The following ETV7 variants were observed in gnomAD, a reference collection of about 807,000 sequenced individuals.
ETV7 encodes the protein transcription factor ETV7.
A neutral mutation model predicts 39.1 loss-of-function variants in ETV7; 43 were observed. That is an observed-to-expected ratio of 1.10 (90% CI 0.86 to 1.42). The LOEUF (loss-of-function observed/expected upper bound fraction) is 1.42. Ranked by LOEUF, ETV7 falls within the 40% of genes most tolerant of loss-of-function variation. The pLI, the probability that ETV7 is intolerant of heterozygous loss-of-function variation, is 0.00. For synonymous variants in ETV7, 196 were observed against 176.6 expected (o/e 1.11, Z -0.87); for missense variants, 432 against 442.3 (o/e 0.98, Z 0.21).
intron 2 of ETV7, 98 bp from the exon 3 acceptor site, chr6:36,376,133 GCCCCCAAC>G: frequency 8.7e-7 from 1 of 1,143,108 alleles, no homozygotes; most frequent in East Asian, 2.6e-5. Context: ...CCCTGTCCTG[GCCCCCAAC>G]CCCCATCATC....
intron 7 of ETV7, among the ~76,000 whole-genome samples, chr6:36,359,957 G>A (rs757266844): frequency 3.8e-4 from 58 of 151,788 alleles, no homozygotes; most frequent in African/African-American, 1.3e-3. Context: ...AGTGAGTGGC[G>A]CGATCTCGGC....
downstream of ETV7, among the ~76,000 whole-genome samples, chr6:36,363,492 G>T (rs898500442): frequency 5.3e-5 from 8 of 151,800 alleles, no homozygotes; most frequent in African/African-American, 1.5e-4. Context: ...CGGTGGGGTC[G>T]TGGGCTCGCT....
At position 36,366,474 on chromosome 6, in the gene ETV7, C is replaced by G. The variant is rs1039068000; in HGVS notation, c.*171G>C. The stretch of plus-strand genomic sequence containing the variant: ...CCTGCCCAAAAGATGACACTCCTGC[C>G]CCCAGTGTCCTGGATGGGAGGCCTC... On this transcript the variant is annotated 3_prime_UTR_variant, in exon 8 of 8. Transcript: ENST00000340181. 6.9e-5 allele frequency: 103 copies of G among 1,482,418 alleles called. No homozygotes were observed. Among genetic ancestry groups the G allele is most frequent in the Admixed American group, 3.0e-4 (12 of 40,488 alleles). The allele number at this position is 1,482,418 out of a possible 1,614,324, so 91.8% of individuals were successfully genotyped here.
chr6:36,355,086 G>T (rs1772303272), intron 7 of ETV7, among the ~76,000 whole-genome samples: 1 of 152,128 alleles, frequency 6.6e-6, no homozygotes, highest in African/African-American at 2.4e-5. Flanking sequence ...AACAGAGATA[G>T]TTTTACTTCT....
intron 2 of ETV7, among the ~76,000 whole-genome samples, chr6:36,379,875 C>CAA (rs75859733): frequency 8.2e-5 from 7 of 85,840 alleles, no homozygotes; most frequent in Non-Finnish European, 1.2e-4. Flanking sequence ...GACGCCATCT[C>CAA]AAAAAAAAAA....
intron 7 of ETV7, among the ~76,000 whole-genome samples, chr6:36,355,395 C>CT (rs1184198286): frequency 0.04 from 5,810 of 143,602 alleles, 201 homozygotes; most frequent in African/African-American, 0.089. Context: ...TGTTCATAGA[C>CT]TTTTTTTTTT....
chr6:36,357,355 C>T (rs965467919), intron 7 of ETV7, among the ~76,000 whole-genome samples: 8 of 152,106 alleles, frequency 5.3e-5, no homozygotes, highest in South Asian at 2.1e-4. Flanking sequence ...TGGCAATCTC[C>T]GACCAGAGAG....
At chr6:36,363,019 G>A (rs57078243), downstream of ETV7, among the ~76,000 whole-genome samples, 3,680 of 152,312 alleles carry the variant, frequency 0.024, 151 homozygotes, top group African/African-American at 0.08. Flanking sequence ...GTGATCTTGC[G>A]CAAGTCACTT....
chr6:36,373,582 G>T lies in ETV7; in HGVS notation c.308-4C>A. ...AGCAGCTCATACAGGACGTCACCTG[G>T]AGGTGGGTGGGAGGGAGGGCAGGCT... On this transcript the variant is annotated splice_region_variant and splice_polypyrimidine_tract_variant and intron_variant, in intron 3 of 7. Transcript: ENST00000340181. 6.7e-7 allele frequency: 1 copy of T among 1,484,978 alleles called. No homozygotes were observed. 92.0% of individuals were successfully genotyped at this position (1,484,978 alleles called of 1,614,324 possible). A position where few individuals can be genotyped will look rare whatever the true frequency, so the allele number is the denominator to read the frequency against.
chr6:36,384,304 T>C (rs543994015), intron 2 of ETV7, among the ~76,000 whole-genome samples: 3 of 152,268 alleles, frequency 2.0e-5, no homozygotes, highest in Non-Finnish European at 4.4e-5. Flanking sequence ...AATCAGAGAA[T>C]AGGCTGCCTC....
In ETV7 at chr6:36,387,614, G is replaced by A; in HGVS notation, c.-73C>T. On this transcript the variant is annotated 5_prime_UTR_variant, in exon 1 of 8. Coordinates refer to ENST00000340181, the MANE Select transcript of ETV7 (RefSeq NM_016135.4). ...CCTGGCTGTGGCTGCTGGGGCCCTA[G>A]GCCCGCGCCCCGCAGTCCTCCTCCG... 1 of 1,574,908 alleles carries A rather than the reference G, an allele frequency of 6.3e-7. No individual in the cohort carries two copies. The highest frequency in any genetic ancestry group is 1.3e-5 in the African/African-American group (1 of 74,168).
At chr6:36,380,695 GC>G (rs1773608337) in intron 2 of ETV7, among the ~76,000 whole-genome samples, 4 of 152,212 alleles carry the variant, frequency 2.6e-5, no homozygotes, top group Admixed American at 2.6e-4. Context: ...TAGAATGTAA[GC>G]TCCAGGAGGC....
chr6:36,378,239 G>GAAAA (rs1461350471), intron 2 of ETV7, among the ~76,000 whole-genome samples: 1 of 57,602 alleles, frequency 1.7e-5, no homozygotes. Context: ...AATCTAATAT[G>GAAAA]GAAAAAAAAA....
chr6:36,359,307 C>A (rs1485855322), intron 7 of ETV7, among the ~76,000 whole-genome samples: 3 of 151,964 alleles, frequency 2.0e-5, no homozygotes, highest in Non-Finnish European at 4.4e-5. Flanking sequence ...AAAAATTAGC[C>A]AGGTGTGGTG....
chr6:36,359,928 C>A (rs74597314), intron 7 of ETV7, among the ~76,000 whole-genome samples: 2,110 of 151,914 alleles, frequency 0.014, 41 homozygotes, highest in South Asian at 0.052. Context: ...GACCGAGTCT[C>A]ACTCTGATGC....
chr6:36,387,473 G>A (rs888695629), intron 1 of ETV7, 63 bp downstream of exon 1: 19 of 1,611,020 alleles, frequency 1.2e-5, no homozygotes, highest in Admixed American at 3.3e-5. Flanking sequence ...TAGGTGGTGA[G>A]GAAAGGATGC....
At chr6:36,367,274 C>T (rs934245109) in intron 6 of ETV7, among the ~76,000 whole-genome samples, 1 of 152,098 alleles carries the variant, frequency 6.6e-6, no homozygotes, top group Non-Finnish European at 1.5e-5. Flanking sequence ...GAAACCCTGT[C>T]TCTACTAAAA....
intron 3 of ETV7, 23 bp from the exon 4 acceptor site, chr6:36,373,601 G>GGGC: frequency 6.1e-5 from 29 of 475,604 alleles, no homozygotes; most frequent in Non-Finnish European, 1.0e-4. Context: ...GGGAGGGAGG[G>GGGC]CAGGCTGCTG....
chr6:36,385,695 C>A, intron 1 of ETV7, 26 bp from the exon 2 acceptor site: 1 of 1,573,094 alleles, frequency 6.4e-7, no homozygotes, highest in South Asian at 1.2e-5. Flanking sequence ...CCAGGACAGT[C>A]AAAGAAGAGC....
Sources: gnomAD v4.1 joint callset for allele counts (sites outside exome capture counted in the v4.1 genomes callset) on GRCh38, gnomAD v4.1.1 for gene constraint, MANE v1.5 for transcripts, NCBI Gene and HGNC (gene_info 2026-07-23, HGNC 2026-07-21) for gene names.